Variants in TRAP1 observed in about 807,000 individuals in gnomAD.
TRAP1 encodes the protein TNF receptor associated protein 1.
A neutral mutation model predicts 89.1 loss-of-function variants in TRAP1; 102 were observed. The ratio of observed to expected loss-of-function variants is 1.15; its 90% confidence interval spans 0.98 to 1.35. The LOEUF (loss-of-function observed/expected upper bound fraction) is 1.35. Among genes scored for constraint, TRAP1 ranks in the 40% most tolerant of loss-of-function variants. The probability of loss-of-function intolerance (pLI) is 0.00; values close to 1 mark genes in which losing one functional copy is unlikely to be tolerated. For missense variants in TRAP1, 1,256 were observed against 945.3 expected, an observed-to-expected ratio of 1.33 and a Z score of -4.31; for synonymous variants, 508 against 388.0, an observed-to-expected ratio of 1.31 and a Z score of -3.64.
chr16:3,677,232 C>G lies in TRAP1; in HGVS notation c.704+266G>C, dbSNP rs371905928. The stretch of plus-strand genomic sequence containing the variant: ...ACCAGGCGACAGGCCAGTCCTGCAG[C>G]TCAGCCACTGAGAAAGGAGCTCAGC... On this transcript the variant is annotated intron_variant, in intron 6 of 17. Coordinates refer to ENST00000246957, the MANE Select transcript of TRAP1 (RefSeq NM_016292.3). 2.6e-5 allele frequency among the ~76,000 whole-genome samples: 4 copies of G among 152,290 alleles called. No homozygotes were observed. The South Asian group carries it at 8.3e-4, about 32-fold the overall frequency.
intron 1 of TRAP1, among the ~76,000 whole-genome samples, chr16:3,697,521 A>G (rs956686602): frequency 2.4e-4 from 36 of 151,778 alleles, no homozygotes; most frequent in Admixed American, 2.1e-3. Flanking sequence ...AAAATTAGCC[A>G]GGCGTAGTGG....
rs190484786 is a variant in TRAP1 at position 3,708,763 on chromosome 16, G to T, written c.88+8658C>A. Among the ~76,000 whole-genome samples, 287 of 151,414 alleles carry T rather than the reference G, an allele frequency of 1.9e-3. 4 individuals are homozygous for T. The Middle Eastern group carries it at 0.031, about 16-fold the overall frequency. ...CTCGGGAGGCGGAGGTTACAGTAAG[G>T]TGAGATGGCGCCACTGCACTCCAGC... is the stretch of plus-strand genomic sequence containing the variant. On this transcript the variant is annotated intron_variant, in intron 1 of 17. Transcript: ENST00000246957.
At chr16:3,709,720 G>A (rs945464898) in intron 1 of TRAP1, among the ~76,000 whole-genome samples, 6 of 151,984 alleles carry the variant, frequency 3.9e-5, no homozygotes, top group Non-Finnish European at 5.9e-5. Context: ...GCGCCATCTC[G>A]GCACACCACA....
Position 3,679,473 on chromosome 16 carries a change from C to T in TRAP1, c.543+246G>A, listed in dbSNP as rs143315926. Among the ~76,000 whole-genome samples, 250 of 152,152 alleles carry T rather than the reference C, an allele frequency of 1.6e-3. 2 individuals are homozygous for T. In the Middle Eastern group the frequency reaches 0.017, roughly 10 times the overall value. ...TACAATATACGGCACCAATTTAATC[C>T]GGGACTGGAGCATCTGCAGACTTTG... On this transcript the variant is annotated intron_variant, in intron 5 of 17. Transcript: ENST00000246957.
chr16:3,694,828 G>A (rs548274738), intron 1 of TRAP1, among the ~76,000 whole-genome samples: 14 of 152,150 alleles, frequency 9.2e-5, no homozygotes, highest in South Asian at 2.1e-4. Flanking sequence ...TAAACTCCCC[G>A]TGGCACAAAC....
chr16:3,665,229 C>A (rs1195419398), intron 12 of TRAP1: 1 of 152,214 alleles, frequency 6.6e-6, no homozygotes, highest in Non-Finnish European at 1.5e-5. Context: ...GGCAAACAAC[C>A]AGAACACGGC....
chr16:3,659,947 G>A (rs1029596384), intron 16 of TRAP1: 6 of 152,100 alleles, frequency 3.9e-5, no homozygotes, highest in East Asian at 1.9e-4. Context: ...ATGAGGTCTC[G>A]AACTCCTGAC....
In TRAP1 at chr16:3,661,412, C is replaced by CCCACCACCGGGG. The variant is rs1253156051; in HGVS notation, c.1940+563_1940+574dup. ...TTCTCGGTGCACCCTGGAAGCAGCTCCCACCACCGGGGCCACAGAGAAACC... is the reference window on the plus strand; with the variant it reads ...TTCTCGGTGCACCCTGGAAGCAGCTCCCACCACCGGGGCCACCACCGGGGCCACAGAGAAACC... On this transcript the variant is annotated intron_variant, in intron 16 of 17. Coordinates refer to ENST00000246957, the MANE Select transcript of TRAP1 (RefSeq NM_016292.3). 3.3e-5 allele frequency: 5 copies of CCCACCACCGGGG among 152,196 alleles called. No individual in the cohort carries two copies. In the East Asian group the frequency reaches 9.6e-4, roughly 29 times the overall value. 9.4% of individuals were successfully genotyped at this position (152,196 alleles called of 1,614,324 possible).
chr16:3,686,696 G>A (rs2051143099), intron 3 of TRAP1, among the ~76,000 whole-genome samples: 1 of 152,114 alleles, frequency 6.6e-6, no homozygotes, highest in Non-Finnish European at 1.5e-5. Flanking sequence ...TCTGGCTGGG[G>A]TTGGGGGCTC....
At chr16:3,710,743 G>A (rs2151285256) in intron 1 of TRAP1, among the ~76,000 whole-genome samples, 1 of 152,138 alleles carries the variant, frequency 6.6e-6, no homozygotes, top group South Asian at 2.1e-4. Context: ...AGTTACATTA[G>A]AAGGACCCAC....
intron 1 of TRAP1, among the ~76,000 whole-genome samples, chr16:3,699,511 C>T (rs1040035673): frequency 7.3e-5 from 11 of 151,672 alleles, no homozygotes; most frequent in South Asian, 4.2e-4. Context: ...CTGTAATCCC[C>T]GCTACTCGGG....
rs745944320 is a variant in TRAP1 at position 3,675,376 on chromosome 16, T to G, written c.836A>C (p.Asn279Thr). Residue 279 changes from asparagine (N) to threonine (T), a missense_variant, in exon 8 of 18, where the codon AAC (asparagine) becomes ACC (threonine). Coordinates refer to ENST00000246957, the MANE Select transcript of TRAP1 (RefSeq NM_016292.3). ...RVRDVVTKYS[N>T]FVSFPLYLNG... The stretch of plus-strand genomic sequence containing the variant: ...CAAGTACAAGGGGAAGCTGACGAAG[T>G]TGCTGTACTTCGTTACCACATCTGG... The G allele has an allele frequency of 1.9e-6, 3 of 1,614,116 alleles. No individual in the cohort carries two copies. The highest frequency in any genetic ancestry group is 4.5e-5 in the East Asian group (2 of 44,884).
At chr16:3,714,308 G>A (rs1018867233) in intron 1 of TRAP1, among the ~76,000 whole-genome samples, 2 of 152,156 alleles carry the variant, frequency 1.3e-5, no homozygotes, top group Non-Finnish European at 2.9e-5. Flanking sequence ...ACTGTTATGG[G>A]CAAAAATGAC....
chr16:3,663,302 T>A, intron 14 of TRAP1, 122 bp downstream of exon 14: 1 of 1,348,160 alleles, frequency 7.4e-7, no homozygotes, highest in African/African-American at 1.5e-5. Flanking sequence ...ACAAGGCTCT[T>A]CTCGGGGGTG....
rs778477411 is a variant in TRAP1, at chr16:3,686,010, T to A, written c.457A>T (p.Thr153Ser). The A allele has an allele frequency of 3.1e-6, 5 of 1,613,794 alleles. No individual in the cohort carries two copies. Among genetic ancestry groups the A allele is most frequent in the Non-Finnish European group, 3.4e-6 (4 of 1,179,924 alleles). The change falls in exon 4 of 18, where the codon ACC becomes TCC. Residue 153 changes from threonine (T) to serine (S), a missense_variant. Transcript: ENST00000246957. ...IHLQTNAEKG[T>S]ITIQDTGIGM... ...GAGGGAGGTACCTGGATGGTGATGG[T>A]GCCTTTCTCGGCATTGGTCTGCAAG... is the stretch of plus-strand genomic sequence containing the variant.
intron 1 of TRAP1, chr16:3,704,280 G>C (rs2051409644): frequency 6.6e-6 from 1 of 152,206 alleles, no homozygotes; most frequent in Admixed American, 6.5e-5. Context: ...GGGAGGCAGA[G>C]GTTCAGTGAG....
In TRAP1 at chr16:3,662,136, T is replaced by G. The variant is rs1377474867; in HGVS notation, c.1795-4A>C. On this transcript the variant is annotated splice_polypyrimidine_tract_variant and splice_region_variant and intron_variant, in intron 15 of 17. Transcript: ENST00000246957. ...GGGTGTCCAGTCGGAGGGTCACCTG[T>G]GAGCAAAGCCCGGGGTTGAGGGTGA... 1 of 1,610,436 alleles carries G rather than the reference T, an allele frequency of 6.2e-7. No individual in the cohort carries two copies. The highest frequency in any genetic ancestry group is 1.1e-5 in the South Asian group (1 of 90,770).
chr16:3,701,369 C>G (rs1567242833), intron 1 of TRAP1, among the ~76,000 whole-genome samples: 1 of 152,036 alleles, frequency 6.6e-6, no homozygotes, highest in Non-Finnish European at 1.5e-5. Context: ...ACTCCTCTCT[C>G]AATAACTGAC....
intron 4 of TRAP1, among the ~76,000 whole-genome samples, chr16:3,681,961 A>G (rs1415609413): frequency 1.3e-5 from 2 of 152,204 alleles, no homozygotes; most frequent in African/African-American, 2.4e-5. Flanking sequence ...AAGACTTCCT[A>G]TAAAGCTACA....
Sources: gnomAD v4.1 joint callset for allele counts (sites outside exome capture counted in the v4.1 genomes callset) on GRCh38, gnomAD v4.1.1 for gene constraint, MANE v1.5 for transcripts, NCBI Gene and HGNC (gene_info 2026-07-23, HGNC 2026-07-21) for gene names.